TBL1XR1: variants seen among roughly 807,000 people sequenced by gnomAD.
TBL1XR1 encodes the protein TBL1X/Y related 1, also known as F-box-like/WD repeat-containing protein TBL1XR1.
A neutral mutation model predicts 66.9 loss-of-function variants in TBL1XR1; 5 were observed. That is an observed-to-expected ratio of 0.07 (90% CI 0.04 to 0.16). The LOEUF is 0.16. Ranked by LOEUF, TBL1XR1 falls within the 10% of genes least tolerant of loss-of-function variation. The pLI is 1.00. For missense variants in TBL1XR1, 238 were observed against 623.2 expected (o/e 0.38, Z 6.58); for synonymous variants, 210 against 206.0 (o/e 1.02, Z -0.17).
intron 1 of TBL1XR1, among the ~76,000 whole-genome samples, chr3:177,130,715 T>C (rs1728196243): frequency 6.6e-6 from 1 of 152,154 alleles, no homozygotes; most frequent in Non-Finnish European, 1.5e-5. Flanking sequence ...GTTAAAAAAA[T>C]AATTACCTGA....
At position 177,058,778 on chromosome 3, in the gene TBL1XR1, A is replaced by C. The variant is rs74997013; in HGVS notation, c.59-4860T>G. Among the ~76,000 whole-genome samples the C allele has an allele frequency of 2.6e-5, 4 of 152,366 alleles. No homozygotes were observed. In the East Asian group the frequency reaches 5.8e-4, roughly 22 times the overall value. ...TCTCGCTATGCTGGCTAGTCCTAAAAAACATTGAACAAATTCTCTGTTTGG... is the reference window on the plus strand; with the variant it reads ...TCTCGCTATGCTGGCTAGTCCTAAACAACATTGAACAAATTCTCTGTTTGG... On this transcript the variant is annotated intron_variant, in intron 3 of 15. Coordinates refer to ENST00000457928, the MANE Select transcript of TBL1XR1 (RefSeq NM_024665.7).
intron 1 of TBL1XR1, among the ~76,000 whole-genome samples, chr3:177,193,236 T>C (rs533649889): frequency 1.3e-5 from 2 of 150,890 alleles, no homozygotes; most frequent in East Asian, 2.3e-4. Flanking sequence ...TAGTAAAGGA[T>C]AGAGCCTGAG....
At chr3:177,088,146 A>G (rs545251237) in intron 2 of TBL1XR1, among the ~76,000 whole-genome samples, 1 of 152,236 alleles carries the variant, frequency 6.6e-6, no homozygotes, top group East Asian at 1.9e-4. Context: ...TTTTAAAATG[A>G]AAATAGTAAT....
Position 177,047,552 on chromosome 3 carries a change from G to T in TBL1XR1, c.703-3C>A. 6.2e-7 allele frequency: 1 copy of T among 1,611,946 alleles called. No homozygotes were observed. Among genetic ancestry groups the T allele is most frequent in the South Asian group, 1.1e-5 (1 of 90,892 alleles). ...GTTGCTAGAAGTGTACCTTCACTCTGCCAGAGAAAAACATTTCTTTAATTA... is the reference window on the plus strand; with the variant it reads ...GTTGCTAGAAGTGTACCTTCACTCTTCCAGAGAAAAACATTTCTTTAATTA... On this transcript the variant is annotated splice_region_variant and splice_polypyrimidine_tract_variant and intron_variant, in intron 7 of 15. Transcript: ENST00000457928.
chr3:177,169,397 C>A lies in TBL1XR1; in HGVS notation c.-122+27724G>T, dbSNP rs564617748. On this transcript the variant is annotated intron_variant, in intron 1 of 15. Coordinates refer to ENST00000457928, the MANE Select transcript of TBL1XR1 (RefSeq NM_024665.7). Reference sequence around the variant, plus strand: ...TAAGATTCACAGTTATAAAAACAATCAGATTGACATTTCAGTTACTATCAC... The same window carrying A: ...TAAGATTCACAGTTATAAAAACAATAAGATTGACATTTCAGTTACTATCAC... Among the ~76,000 whole-genome samples the A allele has an allele frequency of 3.3e-5, 5 of 152,272 alleles. No individual in the cohort carries two copies. In the South Asian group the frequency reaches 1.0e-3, roughly 32 times the overall value.
chr3:177,104,185 T>G (rs2108687779), intron 1 of TBL1XR1, among the ~76,000 whole-genome samples: 1 of 150,710 alleles, frequency 6.6e-6, no homozygotes, highest in African/African-American at 2.4e-5. Flanking sequence ...CTTAGAAAGA[T>G]TTTTATTAAA....
At chr3:177,056,426 A>T (rs1371510482) in intron 3 of TBL1XR1, among the ~76,000 whole-genome samples, 1 of 152,202 alleles carries the variant, frequency 6.6e-6, no homozygotes, top group African/African-American at 2.4e-5. Context: ...AAAAACTATC[A>T]CAGGTGCTTA....
chr3:177,086,213 C>A, intron 2 of TBL1XR1, among the ~76,000 whole-genome samples: 1 of 151,010 alleles, frequency 6.6e-6, no homozygotes, highest in Non-Finnish European at 1.5e-5. Flanking sequence ...TTTATGTAAC[C>A]CAATGTATCT....
chr3:177,157,559 G>A (rs1159185069), intron 1 of TBL1XR1, among the ~76,000 whole-genome samples: 2 of 152,106 alleles, frequency 1.3e-5, no homozygotes, highest in African/African-American at 2.4e-5. Flanking sequence ...GGATTACCTT[G>A]GCATCACTCT....
chr3:177,199,772 G>C (rs1383373321), upstream of TBL1XR1, among the ~76,000 whole-genome samples: 1 of 152,088 alleles, frequency 6.6e-6, no homozygotes, highest in Non-Finnish European at 1.5e-5. Flanking sequence ...AAGTTGTTCA[G>C]TGTTAGTTGA....
chr3:177,069,749 A>AG (rs1430853322), intron 2 of TBL1XR1, among the ~76,000 whole-genome samples: 4 of 146,408 alleles, frequency 2.7e-5, no homozygotes, highest in Admixed American at 7.0e-5. Flanking sequence ...AAGAAAAGAA[A>AG]GAAAGGAAAG....
At chr3:177,055,238 TAAAC>T (rs1717645786) in intron 3 of TBL1XR1, among the ~76,000 whole-genome samples, 1 of 152,112 alleles carries the variant, frequency 6.6e-6, no homozygotes, top group Non-Finnish European at 1.5e-5. Flanking sequence ...GTGGTACTTA[TAAAC>T]AGTCTAGTAG....
chr3:177,108,436 A>T (rs2108707500), intron 1 of TBL1XR1, among the ~76,000 whole-genome samples: 1 of 152,320 alleles, frequency 6.6e-6, no homozygotes, highest in South Asian at 2.1e-4. Context: ...CAGCTCTTTC[A>T]CATCATATCC....
chr3:177,187,934 T>C (rs1044729389), intron 1 of TBL1XR1, among the ~76,000 whole-genome samples: 1 of 137,534 alleles, frequency 7.3e-6, no homozygotes, highest in Non-Finnish European at 1.6e-5. Context: ...GAGTCCAGAG[T>C]ACAATTTCCT....
At position 177,025,447 on chromosome 3, in the gene TBL1XR1, T is replaced by C; in HGVS notation, c.*51A>G. ...GCAGTACATGGGTCAGGGACAGTCA[T>C]TTTGGCTATGTACACATTCATAGTC... On this transcript the variant is annotated 3_prime_UTR_variant, in exon 16 of 16. Transcript: ENST00000457928. 6.2e-7 allele frequency: 1 copy of C among 1,604,474 alleles called. No individual in the cohort carries two copies. Among genetic ancestry groups the C allele is most frequent in the Non-Finnish European group, 8.5e-7 (1 of 1,173,470 alleles).
Position 177,051,388 on chromosome 3 carries a change from C to CCCCT in TBL1XR1, c.427+112_427+115dup. ...GTGATGAAATAGTCTGTACAACAAA[C>CCCCT]CCCTGTGATATGAGTTCATCTATAT... is the stretch of plus-strand genomic sequence containing the variant. On this transcript the variant is annotated intron_variant, in intron 5 of 15. Transcript: ENST00000457928. 3.3e-6 allele frequency: 3 copies of CCCCT among 902,386 alleles called. No individual in the cohort carries two copies. The South Asian group carries it at 5.7e-5, about 17-fold the overall frequency. 55.9% of individuals were successfully genotyped at this position (902,386 alleles called of 1,614,324 possible).
rs528587590 is a variant in TBL1XR1 at position 177,023,639 on chromosome 3, C to T, written c.*1859G>A. The T allele has an allele frequency of 1.3e-5, 2 of 152,576 alleles. No individual in the cohort carries two copies. The highest frequency in any genetic ancestry group is 6.5e-5 in the Admixed American group (1 of 15,274). 9.5% of individuals were successfully genotyped at this position (152,576 alleles called of 1,614,324 possible). On this transcript the variant is annotated 3_prime_UTR_variant, in exon 16 of 16. Coordinates refer to ENST00000457928, the MANE Select transcript of TBL1XR1 (RefSeq NM_024665.7). ...AATTAAGTGTATTTATTCTCTTTACCAATAGCAAATGCTACCCTACCTTAG... is the reference window on the plus strand; with the variant it reads ...AATTAAGTGTATTTATTCTCTTTACTAATAGCAAATGCTACCCTACCTTAG...
At chr3:177,029,300 T>C (rs945726848) in intron 14 of TBL1XR1, among the ~76,000 whole-genome samples, 5 of 151,974 alleles carry the variant, frequency 3.3e-5, no homozygotes, top group African/African-American at 9.7e-5. Flanking sequence ...GAAAGATAAA[T>C]ACATCTAAAC....
chr3:177,157,636 T>G (rs1423708937), intron 1 of TBL1XR1, among the ~76,000 whole-genome samples: 1 of 152,170 alleles, frequency 6.6e-6, no homozygotes, highest in South Asian at 2.1e-4. Context: ...ACCCACAGGT[T>G]CTGGGAATTA....
Sources: gnomAD v4.1 joint callset for allele counts (sites outside exome capture counted in the v4.1 genomes callset) on GRCh38, gnomAD v4.1.1 for gene constraint, MANE v1.5 for transcripts, NCBI Gene and HGNC (gene_info 2026-07-23, HGNC 2026-07-21) for gene names.